The following SHLD1 variants were observed in gnomAD, a reference collection of about 807,000 sequenced individuals.
SHLD1 encodes the protein shieldin complex subunit 1.
In SHLD1, 3 loss-of-function variants were observed where a neutral mutation model predicts 5.5. The observed-to-expected ratio is 0.54, with a 90% CI of 0.25 to 1.40. The LOEUF is 1.40. SHLD1 is among the 40% of genes most tolerant of loss of function. The pLI, the probability that SHLD1 is intolerant of heterozygous loss-of-function variation, is 0.15. For missense variants in SHLD1, 210 were observed against 244.4 expected, an observed-to-expected ratio of 0.86 and a Z score of 0.94; for synonymous variants, 92 against 94.3, an observed-to-expected ratio of 0.98 and a Z score of 0.14.
intron 2 of SHLD1, among the ~76,000 whole-genome samples, chr20:5,799,591 G>A (rs4815861): frequency 0.18 from 27,201 of 151,016 alleles, 2,741 homozygotes; most frequent in Non-Finnish European, 0.22. Flanking sequence ...TGGGATTACA[G>A]GTGTGAGCCA....
intron 2 of SHLD1, among the ~76,000 whole-genome samples, chr20:5,809,822 C>T (rs903065673): frequency 3.3e-5 from 5 of 152,034 alleles, no homozygotes; most frequent in Non-Finnish European, 7.3e-5. Context: ...GAATAGTTCC[C>T]CCACCCAACA....
chr20:5,763,304 A>AAAG (rs1555768137), intron 1 of SHLD1, among the ~76,000 whole-genome samples: 10 of 151,194 alleles, frequency 6.6e-5, no homozygotes, highest in Non-Finnish European at 1.3e-4. Flanking sequence ...AAAAAAAAAA[A>AAAG]AAAAAAAAGA....
intron 2 of SHLD1, among the ~76,000 whole-genome samples, chr20:5,793,516 T>C (rs1033687324): frequency 9.9e-5 from 15 of 152,218 alleles, no homozygotes; most frequent in African/African-American, 3.6e-4. Flanking sequence ...GCTTCTGCTT[T>C]AGCATAAAAT....
chr20:5,810,448 G>C (rs919594080), intron 2 of SHLD1, among the ~76,000 whole-genome samples: 5 of 152,014 alleles, frequency 3.3e-5, no homozygotes, highest in Admixed American at 3.3e-4. Flanking sequence ...TTTGTGAAAT[G>C]AGAGCATTTG....
At chr20:5,827,548 C>T (rs894444915) in intron 2 of SHLD1, among the ~76,000 whole-genome samples, 1 of 152,210 alleles carries the variant, frequency 6.6e-6, no homozygotes, top group Admixed American at 6.5e-5. Flanking sequence ...CTGCCTTCAC[C>T]CACAGGCCCC....
chr20:5,848,443 C>T (rs1190620690), intron 2 of SHLD1, among the ~76,000 whole-genome samples: 4 of 152,110 alleles, frequency 2.6e-5, no homozygotes, highest in African/African-American at 9.7e-5. Context: ...CACTTGAACC[C>T]GGGAGGCAGA....
chr20:5,758,848 A>G (rs993725373), intron 1 of SHLD1, among the ~76,000 whole-genome samples: 64 of 151,892 alleles, frequency 4.2e-4, no homozygotes, highest in African/African-American at 1.5e-3. Flanking sequence ...GAAATGAGCC[A>G]ATTGTGGGGT....
At position 5,762,268 on chromosome 20, in the gene SHLD1, T is replaced by C. The variant is rs1370069460; in HGVS notation, c.-4-10594T>C. Among the ~76,000 whole-genome samples, 14 of 152,084 alleles carry C rather than the reference T, an allele frequency of 9.2e-5. No individual in the cohort carries two copies. The East Asian group carries it at 2.7e-3, about 30-fold the overall frequency. On this transcript the variant is annotated intron_variant, in intron 1 of 2. Coordinates refer to ENST00000303142, the MANE Select transcript of SHLD1 (RefSeq NM_152504.4). ...CAGAAAAAAAAAAAATTCTTTTATT[T>C]ATTGACACCAGTTTTGGTTTAGAAA...
intron 2 of SHLD1, among the ~76,000 whole-genome samples, chr20:5,817,524 T>A (rs1027057979): frequency 6.6e-6 from 1 of 150,504 alleles, no homozygotes; most frequent in Non-Finnish European, 1.5e-5. Flanking sequence ...ACTAGGGAGA[T>A]TTTTTGAATA....
chr20:5,752,027 T>C (rs8114743), intron 1 of SHLD1, among the ~76,000 whole-genome samples: 4,501 of 151,896 alleles, frequency 0.03, 206 homozygotes, highest in African/African-American at 0.1. Context: ...GATAAGGGAG[T>C]TGTGTGGTTC....
At position 5,792,142 on chromosome 20, in the gene SHLD1, C is replaced by T. The variant is rs917574939; in HGVS notation, c.178+19099C>T. Reference sequence around the variant, plus strand: ...TATGTGATTTGCAAATATTTTCTTCCTTTTTATAGATGGCCTTTTCACTCT... The same window carrying T: ...TATGTGATTTGCAAATATTTTCTTCTTTTTTATAGATGGCCTTTTCACTCT... On this transcript the variant is annotated intron_variant, in intron 2 of 2. Transcript: ENST00000303142. Among the ~76,000 whole-genome samples, 3 of 152,072 alleles carry T rather than the reference C, an allele frequency of 2.0e-5. No homozygotes were observed. The South Asian group carries it at 6.2e-4, about 32-fold the overall frequency.
chr20:5,857,959 C>T (rs1416518805), intron 2 of SHLD1, among the ~76,000 whole-genome samples: 1 of 152,098 alleles, frequency 6.6e-6, no homozygotes, highest in Non-Finnish European at 1.5e-5. Flanking sequence ...ATTAGCCGGG[C>T]ATGGTGGCGG....
chr20:5,766,696 T>A (rs918917000), intron 1 of SHLD1, among the ~76,000 whole-genome samples: 2 of 152,188 alleles, frequency 1.3e-5, no homozygotes, highest in Non-Finnish European at 2.9e-5. Flanking sequence ...TAACAAGCAT[T>A]CAATAAATGG....
At chr20:5,826,040 G>T (rs1699223) in intron 2 of SHLD1, among the ~76,000 whole-genome samples, 28,136 of 152,040 alleles carry the variant, frequency 0.19, 2,965 homozygotes, top group Non-Finnish European at 0.23. Flanking sequence ...CCACACGGAG[G>T]TACTGTATGA....
intron 2 of SHLD1, among the ~76,000 whole-genome samples, chr20:5,805,304 T>C (rs1027609970): frequency 1.3e-5 from 2 of 152,022 alleles, no homozygotes; most frequent in South Asian, 2.1e-4. Context: ...ATTACAGGCA[T>C]GTGCCACCAT....
At chr20:5,782,283 C>T (rs1426349449) in intron 2 of SHLD1, among the ~76,000 whole-genome samples, 1 of 152,052 alleles carries the variant, frequency 6.6e-6, no homozygotes, top group Non-Finnish European at 1.5e-5. Flanking sequence ...GGTTAAACCT[C>T]TCAAAAGCAA....
chr20:5,820,298 G>A (rs1356268831), intron 2 of SHLD1, among the ~76,000 whole-genome samples: 1 of 152,198 alleles, frequency 6.6e-6, no homozygotes, highest in Non-Finnish European at 1.5e-5. Flanking sequence ...TGTCCCTGAT[G>A]GTTCCCTGCA....
Position 5,772,909 on chromosome 20 carries a change from G to A in SHLD1, c.44G>A (p.Ser15Asn). The change falls in exon 2 of 3, where the codon AGC becomes AAC. Residue 15 changes from serine to asparagine, a missense_variant. Ser to Asn is a conservative substitution (Grantham distance 46). Coordinates refer to ENST00000303142, the MANE Select transcript of SHLD1 (RefSeq NM_152504.4). Reference protein sequence around the residue: ...DATSGSLSEESSALDLPSACD... With the variant: ...DATSGSLSEENSALDLPSACD... The stretch of plus-strand genomic sequence containing the variant: ...ACTTCAGGCAGCCTGTCAGAGGAGA[G>A]CAGTGCTTTGGACCTGCCATCAGCG... 6.2e-7 allele frequency: 1 copy of A among 1,614,156 alleles called. No individual in the cohort carries two copies. Among genetic ancestry groups the A allele is most frequent in the Non-Finnish European group, 8.5e-7 (1 of 1,180,018 alleles).
chr20:5,794,001 C>T (rs1044865659), intron 2 of SHLD1, among the ~76,000 whole-genome samples: 2 of 151,874 alleles, frequency 1.3e-5, no homozygotes. Context: ...TGAGCCACCA[C>T]GCCAGGCCCC....
Sources: gnomAD v4.1 joint callset for allele counts (sites outside exome capture counted in the v4.1 genomes callset) on GRCh38, gnomAD v4.1.1 for gene constraint, MANE v1.5 for transcripts, NCBI Gene and HGNC (gene_info 2026-07-23, HGNC 2026-07-21) for gene names.